HSDL2: variants seen among roughly 807,000 people sequenced by gnomAD.
The protein encoded by HSDL2 is hydroxysteroid dehydrogenase like 2.
In HSDL2, 27 loss-of-function variants were observed where a neutral mutation model predicts 46.3. The ratio of observed to expected loss-of-function variants is 0.58; its 90% confidence interval spans 0.43 to 0.80. The LOEUF is 0.80. HSDL2 is among the 30% of genes least tolerant of loss of function. HSDL2 has a pLI of 0.00. For synonymous variants in HSDL2, 153 were observed against 163.6 expected (o/e 0.94, Z 0.50); for missense variants, 451 against 502.7 (o/e 0.90, Z 0.98).
intron 4 of HSDL2, among the ~76,000 whole-genome samples, chr9:112,410,247 A>G (rs1564112323): frequency 2.0e-5 from 3 of 152,206 alleles, no homozygotes; most frequent in African/African-American, 4.8e-5. Flanking sequence ...CTCTGGTTCT[A>G]TATTTTCCAT....
intron 1 of HSDL2, among the ~76,000 whole-genome samples, chr9:112,403,404 C>A (rs1831652395): frequency 6.6e-6 from 1 of 152,232 alleles, no homozygotes; most frequent in African/African-American, 2.4e-5. Flanking sequence ...TGTTGTAGCT[C>A]ATAGCAGTAC....
chr9:112,399,204 C>T (rs934435413), intron 1 of HSDL2, among the ~76,000 whole-genome samples: 6 of 152,100 alleles, frequency 3.9e-5, no homozygotes, highest in Admixed American at 1.3e-4. Flanking sequence ...GCTGGGCTGC[C>T]GGGGGTGACA....
chr9:112,394,801 T>G (rs1284526709), intron 1 of HSDL2, among the ~76,000 whole-genome samples: 2 of 152,174 alleles, frequency 1.3e-5, no homozygotes, highest in African/African-American at 4.8e-5. Flanking sequence ...TAACCCATAG[T>G]AACATTAAAT....
At position 112,454,296 on chromosome 9, in the gene HSDL2, A is replaced by AT. The variant is rs1442816782; in HGVS notation, c.1015+136dup. On this transcript the variant is annotated intron_variant, in intron 9 of 10. Transcript: ENST00000398805. ...AAGACCCTTACTCTTGAATGTAGACATTCAAGAACAGCAACCATAACTATT... is the reference window on the plus strand; with the variant it reads ...AAGACCCTTACTCTTGAATGTAGACATTTCAAGAACAGCAACCATAACTATT... The AT allele has an allele frequency of 1.7e-5, 11 of 642,452 alleles. No individual in the cohort carries two copies. The South Asian group carries it at 2.4e-4, about 14-fold the overall frequency. The allele number at this position is 642,452 out of a possible 1,614,324, so 39.8% of individuals were successfully genotyped here. A position where few individuals can be genotyped will look rare whatever the true frequency, so the allele number is the denominator to read the frequency against.
chr9:112,467,241 A>G (rs1833420209), intron 10 of HSDL2, among the ~76,000 whole-genome samples: 1 of 152,258 alleles, frequency 6.6e-6, no homozygotes, highest in Admixed American at 6.5e-5. Context: ...TCAGCCATAA[A>G]AAGGAATGAA....
intron 8 of HSDL2, among the ~76,000 whole-genome samples, chr9:112,452,347 C>T (rs567556385): frequency 1.3e-5 from 2 of 152,296 alleles, no homozygotes; most frequent in South Asian, 4.1e-4. Flanking sequence ...CACCTTCAGC[C>T]TAGAGCACAG....
chr9:112,418,658 G>C (rs576253714), intron 5 of HSDL2, among the ~76,000 whole-genome samples: 2 of 151,624 alleles, frequency 1.3e-5, no homozygotes, highest in Non-Finnish European at 2.9e-5. Flanking sequence ...ATATGTGTGC[G>C]TGGGTGTGTT....
At position 112,409,872 on chromosome 9, in the gene HSDL2, A is replaced by G. The variant is rs367729608; in HGVS notation, c.395+851A>G. On this transcript the variant is annotated intron_variant, in intron 4 of 10. Transcript: ENST00000398805. The stretch of plus-strand genomic sequence containing the variant: ...TCTCCAAAGAAAAAAAAAAAAGACT[A>G]AAGTGTAGCTCAAGCATTTTCTCAA... 6.2e-4 allele frequency among the ~76,000 whole-genome samples: 95 copies of G among 152,134 alleles called. 2 individuals are homozygous for G. The East Asian group carries it at 0.017, about 28-fold the overall frequency.
intron 9 of HSDL2, 27 bp downstream of exon 9, chr9:112,454,189 G>C: frequency 6.3e-7 from 1 of 1,586,666 alleles, no homozygotes; most frequent in Non-Finnish European, 8.6e-7. Context: ...GTAATCTGAA[G>C]TTTTTATGAA....
intron 4 of HSDL2, among the ~76,000 whole-genome samples, chr9:112,414,653 A>G (rs1831953373): frequency 6.6e-6 from 1 of 152,140 alleles, no homozygotes; most frequent in Non-Finnish European, 1.5e-5. Flanking sequence ...AGTGTAAAAT[A>G]TGGTCTTATT....
At chr9:112,412,583 G>A (rs890801251) in intron 4 of HSDL2, among the ~76,000 whole-genome samples, 3 of 152,152 alleles carry the variant, frequency 2.0e-5, no homozygotes, top group African/African-American at 7.2e-5. Flanking sequence ...TGAATTTTAT[G>A]TAGATTTGTC....
At chr9:112,428,700 A>G (rs2132657831) in intron 6 of HSDL2, among the ~76,000 whole-genome samples, 1 of 152,270 alleles carries the variant, frequency 6.6e-6, no homozygotes, top group Non-Finnish European at 1.5e-5. Context: ...CAGCCAAAAA[A>G]CTTAAAAGCT....
intron 1 of HSDL2, among the ~76,000 whole-genome samples, chr9:112,380,542 CAG>C (rs1831060898): frequency 6.6e-6 from 1 of 152,136 alleles, no homozygotes; most frequent in Admixed American, 6.5e-5. Flanking sequence ...GGAGCAGCTC[CAG>C]AGTTTAAAGA....
At chr9:112,391,852 C>G (rs1225971247) in intron 1 of HSDL2, among the ~76,000 whole-genome samples, 8 of 147,304 alleles carry the variant, frequency 5.4e-5, no homozygotes, top group Admixed American at 3.5e-4. Flanking sequence ...TTGCAGTGAG[C>G]TGCAGCCTGG....
chr9:112,382,789 T>G (rs944393580), intron 1 of HSDL2, among the ~76,000 whole-genome samples: 7 of 152,240 alleles, frequency 4.6e-5, no homozygotes, highest in African/African-American at 1.4e-4. Flanking sequence ...TTTAAAAATT[T>G]GTCTTTTATC....
chr9:112,388,460 C>CA lies in HSDL2; in HGVS notation c.17+8300dup, dbSNP rs35133211. Among the ~76,000 whole-genome samples the CA allele has an allele frequency of 1.1e-3, 122 of 107,308 alleles. 1 individual carries two copies. Among genetic ancestry groups the CA allele is most frequent in the Non-Finnish European group, 1.6e-3 (84 of 53,138 alleles). The allele number at this position is 107,308 out of a possible 152,430, so 70.4% of individuals were successfully genotyped here. On this transcript the variant is annotated intron_variant, in intron 1 of 10. Transcript: ENST00000398805. ...TGGGAGACAGAGCTAGACTCCATCT[C>CA]AAAAAAAAAAAAAAAAAAAATACGC...
At chr9:112,441,624 T>C (rs1655710571) in intron 7 of HSDL2, 75 bp from the exon 8 acceptor site, 7 of 920,694 alleles carry the variant, frequency 7.6e-6, no homozygotes, top group Admixed American at 6.4e-5. Context: ...AAAATAGATA[T>C]GTTTATTAAA....
intron 8 of HSDL2, among the ~76,000 whole-genome samples, chr9:112,453,209 T>C (rs114172915): frequency 2.0e-5 from 3 of 152,122 alleles, no homozygotes; most frequent in African/African-American, 7.2e-5. Context: ...GAAAGTACAC[T>C]TGGGTGTTGA....
Position 112,454,068 on chromosome 9 carries a change from T to C in HSDL2, c.921T>C (p.Ser307=), listed in dbSNP as rs764376885. 8.1e-6 allele frequency: 13 copies of C among 1,613,994 alleles called. No homozygotes were observed. In the African/African-American group the frequency reaches 1.7e-4, roughly 22 times the overall value. ...EKLQLQPKPR[S]GAVEETFRIV... is the part of the protein sequence containing the mutation. ...TGCAGCTGCAACCAAAACCACGTTC[T>C]GGAGCTGTGGAAGAAACATTTAGAA... Residue 307 remains serine, a synonymous_variant, in exon 9 of 11, where the codon TCT becomes TCC. Coordinates refer to ENST00000398805, the MANE Select transcript of HSDL2 (RefSeq NM_032303.5).
Sources: allele counts gnomAD v4.1 joint callset (sites outside exome capture counted in the v4.1 genomes callset), GRCh38; gene constraint gnomAD v4.1.1; transcripts MANE v1.5; gene names NCBI Gene and HGNC (gene_info 2026-07-23, HGNC 2026-07-21).